Variants in ADGRL3 observed in about 807,000 individuals in gnomAD.
ADGRL3 encodes adhesion G protein-coupled receptor L3.
ADGRL3 carries 62 observed loss-of-function variants against 153.5 expected under a neutral mutation model. The observed-to-expected ratio is 0.40, with a 90% CI of 0.33 to 0.50. The LOEUF (loss-of-function observed/expected upper bound fraction) is 0.50. ADGRL3 is among the 20% of genes least tolerant of loss of function. ADGRL3 has a pLI of 0.47. For synonymous variants in ADGRL3, 710 were observed against 672.5 expected (o/e 1.06, Z -0.86); for missense variants, 1,641 against 1,859.4 (o/e 0.88, Z 2.16).
At chr4:61,782,813 G>A (rs2097229702) in intron 8 of ADGRL3, among the ~76,000 whole-genome samples, 1 of 152,150 alleles carries the variant, frequency 6.6e-6, no homozygotes, top group Non-Finnish European at 1.5e-5. Context: ...AATTATTTGA[G>A]CTTTCTAGCC....
At chr4:61,551,945 T>C (rs1420802748) in intron 4 of ADGRL3, among the ~76,000 whole-genome samples, 1 of 152,190 alleles carries the variant, frequency 6.6e-6, no homozygotes, top group Non-Finnish European at 1.5e-5. Context: ...TCAAAATTAA[T>C]GTAATTACAT....
intron 5 of ADGRL3, among the ~76,000 whole-genome samples, chr4:61,642,949 C>T (rs1189355926): frequency 6.6e-6 from 1 of 152,176 alleles, no homozygotes; most frequent in Non-Finnish European, 1.5e-5. Context: ...TTGTTTGTAT[C>T]CTCTTTTATT....
At position 61,795,321 on chromosome 4, in the gene ADGRL3, G is replaced by T. The variant is rs143679371; in HGVS notation, c.1400-18488G>T. Among the ~76,000 whole-genome samples, 899 of 152,138 alleles carry T rather than the reference G, an allele frequency of 5.9e-3. 10 individuals carry two copies. Among genetic ancestry groups the T allele is most frequent in the African/African-American group, 0.02 (845 of 41,518 alleles). On this transcript the variant is annotated intron_variant, in intron 8 of 26. Transcript: ENST00000683033. ...ATTTATTTTTGTGTGTAGAGGCAGG[G>T]TCTCAACATGTTGCTATGCTGTTCT... is the stretch of plus-strand genomic sequence containing the variant.
intron 5 of ADGRL3, among the ~76,000 whole-genome samples, chr4:61,592,735 T>C (rs547134946): frequency 6.6e-6 from 1 of 152,302 alleles, no homozygotes; most frequent in South Asian, 2.1e-4. Context: ...TTAATTTAAT[T>C]TTGAAAGAAA....
At chr4:61,593,497 T>G (rs1397391198) in intron 5 of ADGRL3, among the ~76,000 whole-genome samples, 1 of 152,142 alleles carries the variant, frequency 6.6e-6, no homozygotes, top group Non-Finnish European at 1.5e-5. Flanking sequence ...ATCACTCACC[T>G]TTTGCTTGTC....
chr4:61,321,138 T>C (rs1560470452), intron 1 of ADGRL3, among the ~76,000 whole-genome samples: 1 of 152,208 alleles, frequency 6.6e-6, no homozygotes, highest in Non-Finnish European at 1.5e-5. Flanking sequence ...CTTCATTTCA[T>C]TTGCAACTTT....
chr4:61,700,021 C>G (rs1171559457), intron 6 of ADGRL3, among the ~76,000 whole-genome samples: 1 of 151,640 alleles, frequency 6.6e-6, no homozygotes, highest in East Asian at 1.9e-4. Flanking sequence ...GTCATGTGGG[C>G]TCTGTAAGTT....
chr4:61,962,585 T>C (rs1042939020), intron 17 of ADGRL3, among the ~76,000 whole-genome samples: 15 of 152,162 alleles, frequency 9.9e-5, no homozygotes, highest in African/African-American at 3.1e-4. Flanking sequence ...ACCTTTCTTA[T>C]TTTTTTCCCT....
At chr4:61,520,387 A>C (rs1006965658) in intron 4 of ADGRL3, among the ~76,000 whole-genome samples, 1 of 152,184 alleles carries the variant, frequency 6.6e-6, no homozygotes, top group African/African-American at 2.4e-5. Context: ...AACCACACAG[A>C]CAGTGGTGCC....
At chr4:61,712,558 T>A (rs2151493742) in intron 6 of ADGRL3, among the ~76,000 whole-genome samples, 1 of 152,298 alleles carries the variant, frequency 6.6e-6, no homozygotes. Context: ...AAATCAGAAG[T>A]TGTATGTAAA....
intron 1 of ADGRL3, among the ~76,000 whole-genome samples, chr4:61,285,376 C>A (rs1044038514): frequency 2.0e-5 from 3 of 151,768 alleles, no homozygotes; most frequent in African/African-American, 7.2e-5. Context: ...CAGTAATTTT[C>A]TTGATCTTAA....
intron 6 of ADGRL3, among the ~76,000 whole-genome samples, chr4:61,712,473 C>T (rs1276531109): frequency 6.6e-6 from 1 of 152,080 alleles, no homozygotes; most frequent in Non-Finnish European, 1.5e-5. Context: ...CATTTCAAGC[C>T]ATGTATCCTT....
chr4:61,508,513 A>C (rs13103898), intron 3 of ADGRL3, among the ~76,000 whole-genome samples: 23,627 of 152,154 alleles, frequency 0.16, 2,148 homozygotes, highest in African/African-American at 0.25. Flanking sequence ...GGTTTTTAAA[A>C]ATTTTTTTAA....
chr4:62,005,961 TACACATACACACAC>T (rs1367338240), intron 21 of ADGRL3, among the ~76,000 whole-genome samples: 1,404 of 82,432 alleles, frequency 0.017, 40 homozygotes, highest in African/African-American at 0.056. Context: ...TACATATATA[TACACATACACACAC>T]ACACACACAC....
At chr4:61,811,008 C>G (rs2097609743) in intron 8 of ADGRL3, among the ~76,000 whole-genome samples, 1 of 152,044 alleles carries the variant, frequency 6.6e-6, no homozygotes, top group Non-Finnish European at 1.5e-5. Context: ...CAAAATGTCC[C>G]CATGTCATTG....
chr4:61,280,343 A>G (rs965878396), intron 1 of ADGRL3, among the ~76,000 whole-genome samples: 26 of 151,886 alleles, frequency 1.7e-4, no homozygotes, highest in Admixed American at 7.9e-4. Context: ...TCCTGACCTC[A>G]TGATCCACCC....
At chr4:61,948,076 T>A (rs1377541303) in intron 16 of ADGRL3, 24 bp from the exon 17 acceptor site, 1 of 1,588,018 alleles carries the variant, frequency 6.3e-7, no homozygotes, top group Non-Finnish European at 8.6e-7. Flanking sequence ...GTTGTTGATT[T>A]TATGGATTTT....
At chr4:61,777,503 T>C (rs2097166970) in intron 8 of ADGRL3, among the ~76,000 whole-genome samples, 1 of 152,228 alleles carries the variant, frequency 6.6e-6, no homozygotes, top group African/African-American at 2.4e-5. Context: ...AACATTTTAG[T>C]GAATATATTC....
At chr4:61,758,201 C>G (rs1244923884) in intron 8 of ADGRL3, among the ~76,000 whole-genome samples, 1 of 152,062 alleles carries the variant, frequency 6.6e-6, no homozygotes, top group Non-Finnish European at 1.5e-5. Flanking sequence ...TATCCCTGGA[C>G]AATCCCTGGA....
Sources: allele counts gnomAD v4.1 joint callset (sites outside exome capture counted in the v4.1 genomes callset), GRCh38; gene constraint gnomAD v4.1.1; transcripts MANE v1.5; gene names NCBI Gene and HGNC (gene_info 2026-07-23, HGNC 2026-07-21).